The following DHRS9 variants were observed in gnomAD, a reference collection of about 807,000 sequenced individuals.
DHRS9 encodes the protein dehydrogenase/reductase SDR family member 9.
Under a neutral mutation model 26.6 loss-of-function variants are expected in DHRS9, and 18 were observed. That is an observed-to-expected ratio of 0.68 (90% CI 0.47 to 1.00). The LOEUF (loss-of-function observed/expected upper bound fraction) is 1.00, where lower values mean the gene tolerates loss of function less well. DHRS9 is among the 50% of genes least tolerant of loss of function. The probability of loss-of-function intolerance (pLI) is 0.00; values close to 1 mark genes in which losing one functional copy is unlikely to be tolerated. For missense variants in DHRS9, 425 were observed against 378.7 expected, an observed-to-expected ratio of 1.12 and a Z score of -1.01; for synonymous variants, 134 against 141.1, an observed-to-expected ratio of 0.95 and a Z score of 0.36.
At chr2:169,072,769 C>A in intron 1 of DHRS9, 2 of 468,560 alleles carry the variant, frequency 4.3e-6, no homozygotes, top group Non-Finnish European at 5.6e-6. Context: ...ATAAAGTGTT[C>A]TTGTGCCTGC....
intron 1 of DHRS9, chr2:169,070,611 T>C: frequency 1.0e-6 from 1 of 984,724 alleles, no homozygotes; most frequent in Non-Finnish European, 1.2e-6. Flanking sequence ...CTTTCTATTC[T>C]ATTTTTAATA....
At chr2:169,070,845 A>G in intron 1 of DHRS9, 1 of 647,672 alleles carries the variant, frequency 1.5e-6, no homozygotes, top group Non-Finnish European at 1.9e-6. Context: ...CCGGCGGATC[A>G]CAAGGTCAGG....
At chr2:169,077,302 T>A (rs950156160) in intron 1 of DHRS9, among the ~76,000 whole-genome samples, 1 of 152,154 alleles carries the variant, frequency 6.6e-6, no homozygotes, top group Non-Finnish European at 1.5e-5. Flanking sequence ...ACCTCAGAAG[T>A]GAGAATAACT....
intron 2 of DHRS9, among the ~76,000 whole-genome samples, chr2:169,082,840 A>G (rs1684231270): frequency 1.6e-5 from 2 of 126,892 alleles, no homozygotes; most frequent in South Asian, 5.4e-4. Flanking sequence ...ATGAGAACAC[A>G]TGGACACAGG....
upstream of DHRS9, chr2:169,067,154 A>G (rs1483976354): frequency 2.0e-6 from 3 of 1,535,424 alleles, no homozygotes; most frequent in South Asian, 2.4e-5. Context: ...ATTATGCCAG[A>G]AGGAAGAAGC....
chr2:169,094,671 C>G (rs1450245211), intron 4 of DHRS9, among the ~76,000 whole-genome samples: 1 of 151,144 alleles, frequency 6.6e-6, no homozygotes, highest in South Asian at 2.1e-4. Context: ...TGTGAGCCAC[C>G]ATGCCAGGCC....
At chr2:169,094,361 A>T (rs548463362) in intron 4 of DHRS9, among the ~76,000 whole-genome samples, 68 of 151,948 alleles carry the variant, frequency 4.5e-4, no homozygotes, top group African/African-American at 1.6e-3. Context: ...ATTTTTTCCC[A>T]TTCTGTATGT....
intron 3 of DHRS9, among the ~76,000 whole-genome samples, chr2:169,086,798 A>T (rs569957850): frequency 1.3e-5 from 2 of 152,276 alleles, no homozygotes; most frequent in South Asian, 4.1e-4. Flanking sequence ...CAGAAGAATT[A>T]TCTGGTTTAC....
Position 169,069,642 on chromosome 2 carries a change from C to G in DHRS9, c.-135C>G, listed in dbSNP as rs139137399. 1.0e-6 allele frequency: 1 copy of G among 985,336 alleles called. No individual in the cohort carries two copies. The highest frequency in any genetic ancestry group is 1.7e-5 in the African/African-American group (1 of 57,232). The allele number at this position is 985,336 out of a possible 1,614,324, so 61.0% of individuals were successfully genotyped here. A position where few individuals can be genotyped will look rare whatever the true frequency, so the allele number is the denominator to read the frequency against. On this transcript the variant is annotated 5_prime_UTR_variant, in exon 1 of 5. Coordinates refer to ENST00000674881, the MANE Select transcript of DHRS9 (RefSeq NM_001376924.1). ...CAGGGTGGCACAACTCTTCCTTCCC[C>G]GTGCACAGCAGGAAAGCTGCCATCA...
At chr2:169,086,662 T>C (rs1684361694) in intron 3 of DHRS9, among the ~76,000 whole-genome samples, 1 of 152,216 alleles carries the variant, frequency 6.6e-6, no homozygotes. Context: ...TGAAGGGACT[T>C]GGCTGTTGTG....
chr2:169,069,903 A>G (rs145091737), intron 1 of DHRS9, among the ~76,000 whole-genome samples, 186 bp downstream of exon 1: 3 of 152,238 alleles, frequency 2.0e-5, no homozygotes, highest in African/African-American at 7.2e-5. Context: ...CATAGAAATG[A>G]CCTCGGTGTG....
intron 4 of DHRS9, among the ~76,000 whole-genome samples, chr2:169,093,368 A>G (rs1684595099): frequency 6.6e-6 from 1 of 151,956 alleles, no homozygotes; most frequent in African/African-American, 2.4e-5. Context: ...ATGCACACAC[A>G]CAGAGGTACA....
intron 1 of DHRS9, among the ~76,000 whole-genome samples, chr2:169,079,877 GAA>G (rs1461149310): frequency 0.014 from 1,011 of 71,454 alleles, 50 homozygotes; most frequent in African/African-American, 0.083. Flanking sequence ...AAGAAAGAAA[GAA>G]AGAAAGAGAG....
At position 169,078,815 on chromosome 2, in the gene DHRS9, C is replaced by CTTTTT. The variant is rs200691133; in HGVS notation, c.-59-2686_-59-2682dup. ...CTCTGACTTAATTTTTATCAACTGA[C>CTTTTT]TTTTTTTTTTTTTTTTTTTTTTTTT... On this transcript the variant is annotated intron_variant, in intron 1 of 4. Coordinates refer to ENST00000674881, the MANE Select transcript of DHRS9 (RefSeq NM_001376924.1). 1.6e-3 allele frequency among the ~76,000 whole-genome samples: 175 copies of CTTTTT among 110,334 alleles called. 20 individuals carry two copies. In the East Asian group the frequency reaches 0.02, roughly 13 times the overall value. 72.4% of individuals were successfully genotyped at this position (110,334 alleles called of 152,430 possible).
At chr2:169,093,981 C>T (rs1684616735) in intron 4 of DHRS9, among the ~76,000 whole-genome samples, 1 of 152,130 alleles carries the variant, frequency 6.6e-6, no homozygotes, top group Admixed American at 6.5e-5. Context: ...CATATGATAG[C>T]TCTACTTTGA....
intron 1 of DHRS9, chr2:169,070,133 T>A: frequency 1.0e-6 from 1 of 985,482 alleles, no homozygotes; most frequent in Non-Finnish European, 1.2e-6. Flanking sequence ...ACTGCAGGTC[T>A]GATCTGTTTG....
At chr2:169,091,644 TGAAAGG>T in intron 3 of DHRS9, 140 bp from the exon 4 acceptor site, 2 of 927,124 alleles carry the variant, frequency 2.2e-6, no homozygotes, top group Non-Finnish European at 3.2e-6. Flanking sequence ...ACTTGCAAAA[TGAAAGG>T]GAGAGAGAAT....
intron 2 of DHRS9, 52 bp from the exon 3 acceptor site, chr2:169,083,276 GT>G: frequency 6.3e-7 from 1 of 1,582,828 alleles, no homozygotes; most frequent in Non-Finnish European, 8.6e-7. Flanking sequence ...TTCATCAAAG[GT>G]GGCAAATAAG....
At chr2:169,073,754 C>A (rs1012252572) in intron 1 of DHRS9, among the ~76,000 whole-genome samples, 5 of 151,984 alleles carry the variant, frequency 3.3e-5, no homozygotes, top group Admixed American at 3.3e-4. Context: ...ATAAGTAACC[C>A]AACTTTTCCA....
Sources: allele counts gnomAD v4.1 joint callset (sites outside exome capture counted in the v4.1 genomes callset), GRCh38; gene constraint gnomAD v4.1.1; transcripts MANE v1.5; gene names NCBI Gene and HGNC (gene_info 2026-07-23, HGNC 2026-07-21).